NLGN1: variants seen among roughly 807,000 people sequenced by gnomAD.
The protein encoded by NLGN1 is neuroligin 1, also known as neuroligin-1.
Under a neutral mutation model 65.5 loss-of-function variants are expected in NLGN1, and 12 were observed. That is an observed-to-expected ratio of 0.18 (90% CI 0.12 to 0.30). NLGN1 has a LOEUF of 0.30. Among genes scored for constraint, NLGN1 ranks in the 10% least tolerant of loss-of-function variants. The probability of loss-of-function intolerance (pLI) is 1.00; values close to 1 mark genes in which losing one functional copy is unlikely to be tolerated. For missense variants in NLGN1, 750 were observed against 1,007.1 expected (o/e 0.74, Z 3.46); for synonymous variants, 350 against 359.5 (o/e 0.97, Z 0.30).
chr3:173,871,649 A>G (rs1393530893), intron 4 of NLGN1, among the ~76,000 whole-genome samples: 2 of 152,198 alleles, frequency 1.3e-5, no homozygotes, highest in African/African-American at 4.8e-5. Flanking sequence ...AATCTCTGAA[A>G]CCCAGAAACT....
intron 2 of NLGN1, among the ~76,000 whole-genome samples, chr3:173,450,206 G>A (rs1400347499): frequency 6.6e-6 from 1 of 152,146 alleles, no homozygotes; most frequent in Non-Finnish European, 1.5e-5. Flanking sequence ...GGTACTGGTT[G>A]TTCCTTTCCA....
intron 2 of NLGN1, among the ~76,000 whole-genome samples, chr3:173,459,257 C>T (rs1487452775): frequency 6.6e-6 from 1 of 151,978 alleles, no homozygotes; most frequent in South Asian, 2.1e-4. Context: ...GCACAAATAC[C>T]TTTCAATGCA....
At chr3:173,831,122 T>A (rs928302287) in intron 4 of NLGN1, among the ~76,000 whole-genome samples, 1 of 152,124 alleles carries the variant, frequency 6.6e-6, no homozygotes. Context: ...CAGGATGTCA[T>A]TCTATTTTAT....
chr3:173,514,203 C>A (rs1178335712), intron 2 of NLGN1, among the ~76,000 whole-genome samples: 1 of 152,036 alleles, frequency 6.6e-6, no homozygotes, highest in Admixed American at 6.6e-5. Flanking sequence ...AGAATAATTA[C>A]CTGAAATTTA....
chr3:173,446,593 A>G (rs1019456754), intron 2 of NLGN1, among the ~76,000 whole-genome samples: 2 of 152,154 alleles, frequency 1.3e-5, no homozygotes, highest in African/African-American at 2.4e-5. Flanking sequence ...TTATGGGATG[A>G]CTGGGTCAAA....
intron 3 of NLGN1, among the ~76,000 whole-genome samples, chr3:173,695,200 A>G (rs1560184623): frequency 6.6e-6 from 1 of 152,196 alleles, no homozygotes; most frequent in Non-Finnish European, 1.5e-5. Flanking sequence ...AAAGAGAAGA[A>G]TAGCTACCTT....
intron 3 of NLGN1, among the ~76,000 whole-genome samples, chr3:173,613,226 CATT>C (rs1027572164): frequency 6.6e-6 from 1 of 152,108 alleles, no homozygotes; most frequent in African/African-American, 2.4e-5. Flanking sequence ...ATGTTTCTAT[CATT>C]ATGTCTATTT....
intron 4 of NLGN1, among the ~76,000 whole-genome samples, chr3:174,022,718 T>C (rs1457653749): frequency 6.6e-6 from 1 of 151,186 alleles, no homozygotes; most frequent in Admixed American, 6.6e-5. Flanking sequence ...TTTTTTTTTC[T>C]GGAAGAATTT....
chr3:173,894,037 A>G lies in NLGN1; in HGVS notation c.646+86205A>G, dbSNP rs1735877044. On this transcript the variant is annotated intron_variant, in intron 4 of 6. Transcript: ENST00000457714. ...TCCCTTACTCACTATTTCAAATCCC[A>G]TGAAGCACCTTCACTTCCTCTTTCC... 2.0e-5 allele frequency among the ~76,000 whole-genome samples: 3 copies of G among 152,144 alleles called. No homozygotes were observed. The South Asian group carries it at 6.2e-4, about 32-fold the overall frequency.
chr3:174,002,702 A>G lies in NLGN1; in HGVS notation c.646+194870A>G, dbSNP rs191516242. On this transcript the variant is annotated intron_variant, in intron 4 of 6. Transcript: ENST00000457714. ...TAAAAACCACAGTGAATTTCTAGTG[A>G]AATTTTTTTGCCTGGCAAAGAAGTC... 1.8e-4 allele frequency among the ~76,000 whole-genome samples: 28 copies of G among 152,306 alleles called. No homozygotes were observed. In the East Asian group the frequency reaches 5.0e-3, roughly 27 times the overall value.
chr3:174,088,757 A>AACT (rs373330144), intron 4 of NLGN1, among the ~76,000 whole-genome samples: 1 of 141,238 alleles, frequency 7.1e-6, no homozygotes, highest in African/African-American at 2.6e-5. Context: ...CATCTCAATA[A>AACT]AAATAAATAA....
intron 3 of NLGN1, among the ~76,000 whole-genome samples, chr3:173,782,547 T>C (rs180866328): frequency 2.2e-3 from 336 of 152,282 alleles, no homozygotes; most frequent in Non-Finnish European, 4.0e-3. Flanking sequence ...ATGTTTGTAG[T>C]TTATGGACTT....
chr3:174,062,925 T>A (rs1737725322), intron 4 of NLGN1, among the ~76,000 whole-genome samples: 1 of 152,108 alleles, frequency 6.6e-6, no homozygotes, highest in Admixed American at 6.6e-5. Context: ...TAGATACTGA[T>A]CATAACAACC....
chr3:173,811,366 C>G (rs925373330), intron 4 of NLGN1, among the ~76,000 whole-genome samples: 1 of 151,894 alleles, frequency 6.6e-6, no homozygotes, highest in African/African-American at 2.4e-5. Context: ...GAGTTCAAGA[C>G]CAGCCTGGCC....
At chr3:173,488,859 A>G (rs902397532) in intron 2 of NLGN1, among the ~76,000 whole-genome samples, 2 of 145,690 alleles carry the variant, frequency 1.4e-5, no homozygotes, top group African/African-American at 5.1e-5. Context: ...CAGTTTCTCC[A>G]TTTTTCTCCT....
chr3:173,522,606 TG>T (rs1734951126), intron 2 of NLGN1, among the ~76,000 whole-genome samples: 1 of 151,856 alleles, frequency 6.6e-6, no homozygotes, highest in Admixed American at 6.6e-5. Context: ...AATTTTTTTT[TG>T]TATTTTTAGT....
At chr3:173,959,923 T>A (rs942556341) in intron 4 of NLGN1, among the ~76,000 whole-genome samples, 3 of 152,158 alleles carry the variant, frequency 2.0e-5, no homozygotes, top group African/African-American at 7.2e-5. Flanking sequence ...TATATAATTG[T>A]TGATATTCCT....
chr3:173,976,326 A>G (rs1717454185), intron 4 of NLGN1, among the ~76,000 whole-genome samples: 1 of 152,058 alleles, frequency 6.6e-6, no homozygotes, highest in Non-Finnish European at 1.5e-5. Context: ...TCCATTCTAT[A>G]CCCTGGGGAG....
intron 3 of NLGN1, among the ~76,000 whole-genome samples, chr3:173,654,371 A>T (rs559394266): frequency 6.6e-6 from 1 of 152,152 alleles, no homozygotes; most frequent in Admixed American, 6.6e-5. Context: ...CCTGAATAGC[A>T]TAACATTATA....
Sources: allele counts gnomAD v4.1 joint callset (sites outside exome capture counted in the v4.1 genomes callset), GRCh38; gene constraint gnomAD v4.1.1; transcripts MANE v1.5; gene names NCBI Gene and HGNC (gene_info 2026-07-23, HGNC 2026-07-21).